Variants in CA10 observed in about 807,000 individuals in gnomAD.
CA10 encodes carbonic anhydrase 10 (inactive).
A neutral mutation model predicts 44.2 loss-of-function variants in CA10; 14 were observed. The observed-to-expected ratio is 0.32, with a 90% CI of 0.21 to 0.50. The LOEUF (loss-of-function observed/expected upper bound fraction) is 0.50. CA10 is among the 20% of genes least tolerant of loss of function. The pLI is 0.99. For missense variants in CA10, 350 were observed against 409.7 expected, an observed-to-expected ratio of 0.85 and a Z score of 1.26; for synonymous variants, 159 against 141.6, an observed-to-expected ratio of 1.12 and a Z score of -0.87.
At chr17:52,075,776 C>T (rs146359691) in intron 1 of CA10, among the ~76,000 whole-genome samples, 98 of 152,208 alleles carry the variant, frequency 6.4e-4, no homozygotes, top group African/African-American at 2.2e-3. Flanking sequence ...ATAGTACTTA[C>T]ATGTGCTAAA....
In CA10 at chr17:52,045,737, C is replaced by T. The variant is rs188081393; in HGVS notation, c.136+26582G>A. On this transcript the variant is annotated intron_variant, in intron 2 of 8. Transcript: ENST00000451037. ...GTTAATGTACGGAAGACTTGAAAAA[C>T]ACTTTCAACCAATGGAACCTAAACG... is the stretch of plus-strand genomic sequence containing the variant. Among the ~76,000 whole-genome samples, 415 of 151,994 alleles carry T rather than the reference C, an allele frequency of 2.7e-3. 2 individuals are homozygous for T. The highest frequency in any genetic ancestry group is 3.9e-3 in the Non-Finnish European group (266 of 67,908).
intron 4 of CA10, among the ~76,000 whole-genome samples, chr17:51,657,917 A>G (rs756122200): frequency 6.6e-6 from 1 of 152,250 alleles, no homozygotes; most frequent in African/African-American, 2.4e-5. Flanking sequence ...CATTAAAGAG[A>G]TGCCTTGAGG....
intron 2 of CA10, among the ~76,000 whole-genome samples, chr17:51,995,379 T>A (rs1368685004): frequency 1.3e-5 from 2 of 152,066 alleles, no homozygotes; most frequent in African/African-American, 4.8e-5. Flanking sequence ...AATAAGATGC[T>A]TGAAACACAA....
chr17:52,144,374 AG>A (rs2143392572), intron 1 of CA10, among the ~76,000 whole-genome samples: 1 of 152,366 alleles, frequency 6.6e-6, no homozygotes, highest in Non-Finnish European at 1.5e-5. Flanking sequence ...TTCCTGAGCC[AG>A]GGTTCTATTT....
intron 3 of CA10, among the ~76,000 whole-genome samples, chr17:51,784,530 C>A (rs1353344456): frequency 1.3e-5 from 2 of 152,240 alleles, no homozygotes; most frequent in Non-Finnish European, 2.9e-5. Flanking sequence ...CCCTTCCCAG[C>A]CTCTGGTAAT....
chr17:51,877,670 T>C (rs1980138780), intron 3 of CA10, among the ~76,000 whole-genome samples: 1 of 152,126 alleles, frequency 6.6e-6, no homozygotes, highest in South Asian at 2.1e-4. Flanking sequence ...TTCAAGGGGG[T>C]AGCATCACTG....
intron 3 of CA10, among the ~76,000 whole-genome samples, chr17:51,875,152 T>C (rs1439799518): frequency 6.6e-6 from 1 of 151,974 alleles, no homozygotes; most frequent in Non-Finnish European, 1.5e-5. Flanking sequence ...TTCTAAATGT[T>C]TTTTAGAGAT....
At chr17:51,786,597 A>C (rs1011934524) in intron 3 of CA10, among the ~76,000 whole-genome samples, 17 of 152,160 alleles carry the variant, frequency 1.1e-4, no homozygotes, top group Non-Finnish European at 4.4e-5. Flanking sequence ...AAACAAGGAT[A>C]ATTTGACTTC....
chr17:51,926,742 C>T (rs1982447346), intron 3 of CA10, among the ~76,000 whole-genome samples: 1 of 152,156 alleles, frequency 6.6e-6, no homozygotes, highest in Non-Finnish European at 1.5e-5. Context: ...TCTATGGTTA[C>T]AAGGGGTTTG....
At chr17:51,802,142 A>G (rs1386697904) in intron 3 of CA10, among the ~76,000 whole-genome samples, 1 of 152,196 alleles carries the variant, frequency 6.6e-6, no homozygotes, top group East Asian at 1.9e-4. Flanking sequence ...ATTACTGATC[A>G]TGCCTATCTA....
At chr17:51,812,865 TG>T (rs1907425334) in intron 3 of CA10, among the ~76,000 whole-genome samples, 1 of 152,216 alleles carries the variant, frequency 6.6e-6, no homozygotes, top group Non-Finnish European at 1.5e-5. Flanking sequence ...GGAGTACTGA[TG>T]AGAGCCATCA....
chr17:51,956,449 G>T (rs1260143937), intron 2 of CA10, among the ~76,000 whole-genome samples: 3 of 152,056 alleles, frequency 2.0e-5, no homozygotes, highest in African/African-American at 7.2e-5. Flanking sequence ...TGTGATTTTT[G>T]CAGATGTAGT....
At chr17:51,683,637 G>A (rs1333310550) in intron 4 of CA10, among the ~76,000 whole-genome samples, 3 of 152,144 alleles carry the variant, frequency 2.0e-5, no homozygotes, top group Non-Finnish European at 2.9e-5. Context: ...TTCAGACAGC[G>A]TGGATGATGT....
At chr17:51,784,095 G>A (rs1034289322) in intron 3 of CA10, among the ~76,000 whole-genome samples, 1 of 152,056 alleles carries the variant, frequency 6.6e-6, no homozygotes, top group Non-Finnish European at 1.5e-5. Context: ...CCTTGTCTAG[G>A]GGTTAAATAT....
At chr17:51,780,827 G>T (rs994516178) in intron 3 of CA10, among the ~76,000 whole-genome samples, 13 of 152,196 alleles carry the variant, frequency 8.5e-5, no homozygotes, top group African/African-American at 2.9e-4. Context: ...GAATTCTAAA[G>T]CAAGTGTCAG....
chr17:51,679,650 C>G (rs1914770447), intron 4 of CA10, among the ~76,000 whole-genome samples: 1 of 151,876 alleles, frequency 6.6e-6, no homozygotes, highest in Non-Finnish European at 1.5e-5. Context: ...ACCTCCAACC[C>G]CTGGGTTGAA....
At chr17:51,840,037 A>G (rs955739903) in intron 3 of CA10, among the ~76,000 whole-genome samples, 11 of 152,238 alleles carry the variant, frequency 7.2e-5, no homozygotes, top group African/African-American at 2.2e-4. Flanking sequence ...ATAGTGTTTA[A>G]GTATACCTGT....
intron 1 of CA10, among the ~76,000 whole-genome samples, chr17:52,144,486 T>C (rs1465367665): frequency 6.6e-6 from 1 of 152,174 alleles, no homozygotes; most frequent in African/African-American, 2.4e-5. Flanking sequence ...AAACTAAAAA[T>C]ATGGGGCATT....
rs1908140242 is a variant in CA10, at chr17:51,829,226, A to G, written c.280-81408T>C. ...GGGTAACAGCTCAAAGACTGCCCCC[A>G]TGGATGTGTCTGGAATCCTCTAAGC... On this transcript the variant is annotated intron_variant, in intron 3 of 8. Coordinates refer to ENST00000451037, the MANE Select transcript of CA10 (RefSeq NM_020178.5). Among the ~76,000 whole-genome samples the G allele has an allele frequency of 7.2e-5, 11 of 152,230 alleles. No individual in the cohort carries two copies. The South Asian group carries it at 2.3e-3, about 32-fold the overall frequency.
Sources: gnomAD v4.1 joint callset for allele counts (sites outside exome capture counted in the v4.1 genomes callset) on GRCh38, gnomAD v4.1.1 for gene constraint, MANE v1.5 for transcripts, NCBI Gene and HGNC (gene_info 2026-07-23, HGNC 2026-07-21) for gene names.